JAZF1: variants seen among roughly 807,000 people sequenced by gnomAD.
JAZF1 encodes JAZF zinc finger 1.
In JAZF1, 8 loss-of-function variants were observed where a neutral mutation model predicts 26.4. The ratio of observed to expected loss-of-function variants is 0.30; its 90% CI spans 0.18 to 0.55. The LOEUF (loss-of-function observed/expected upper bound fraction) is 0.55, where lower values mean the gene tolerates loss of function less well. Ranked by LOEUF, JAZF1 falls within the 20% of genes least tolerant of loss-of-function variation. The pLI is 0.94. For missense variants in JAZF1, 199 were observed against 322.0 expected (o/e 0.62, Z 2.92); for synonymous variants, 126 against 122.3 (o/e 1.03, Z -0.20).
intron 1 of JAZF1, among the ~76,000 whole-genome samples, chr7:28,076,671 C>T: frequency 6.8e-6 from 1 of 146,166 alleles, no homozygotes; most frequent in Non-Finnish European, 1.5e-5. Context: ...CATAGTTTTT[C>T]TCCGGTTTGC....
chr7:28,143,829 T>C (rs4722763), intron 1 of JAZF1, among the ~76,000 whole-genome samples: 16,267 of 152,282 alleles, frequency 0.11, 1,405 homozygotes, highest in East Asian at 0.47. Context: ...CTCCTCCTTA[T>C]ATACCGTAAG....
intron 1 of JAZF1, among the ~76,000 whole-genome samples, chr7:28,021,595 C>G (rs1458237257): frequency 1.3e-5 from 2 of 152,174 alleles, no homozygotes; most frequent in Non-Finnish European, 2.9e-5. Flanking sequence ...CAGGTGAAGA[C>G]AGTGTGGACG....
At chr7:27,934,552 T>C (rs1338678573) in intron 2 of JAZF1, among the ~76,000 whole-genome samples, 1 of 152,188 alleles carries the variant, frequency 6.6e-6, no homozygotes, top group Non-Finnish European at 1.5e-5. Context: ...AAATGCAGTT[T>C]GACAGATGGT....
At chr7:28,046,891 T>C (rs769353808) in intron 1 of JAZF1, among the ~76,000 whole-genome samples, 3 of 152,194 alleles carry the variant, frequency 2.0e-5, no homozygotes, top group East Asian at 1.9e-4. Flanking sequence ...ATGTTACATA[T>C]GTTTCACATA....
chr7:28,027,853 C>G (rs887211021), intron 1 of JAZF1, among the ~76,000 whole-genome samples: 1 of 152,174 alleles, frequency 6.6e-6, no homozygotes, highest in Non-Finnish European at 1.5e-5. Context: ...AGCCCCGATG[C>G]CTGTTTCTTT....
rs556294373 is a variant in JAZF1 at position 27,968,927 on chromosome 7, A to G, written c.188+22982T>C. 4.5e-4 allele frequency among the ~76,000 whole-genome samples: 68 copies of G among 152,214 alleles called. 1 individual carries two copies. The highest frequency in any genetic ancestry group is 9.4e-4 in the Non-Finnish European group (64 of 68,042). On this transcript the variant is annotated intron_variant, in intron 2 of 4. Transcript: ENST00000283928. ...ATTTACCCCAATAATAAAAATGAAAAAAAATCAATCAAGTTTGTACGAATA... is the reference window on the plus strand; with the variant it reads ...ATTTACCCCAATAATAAAAATGAAAGAAAATCAATCAAGTTTGTACGAATA...
chr7:27,893,704 T>C (rs901045638), intron 3 of JAZF1, among the ~76,000 whole-genome samples: 2 of 152,220 alleles, frequency 1.3e-5, no homozygotes, highest in Admixed American at 1.3e-4. Flanking sequence ...GCGTATTGAT[T>C]TGATTAGTGA....
chr7:28,137,214 T>C (rs568541551), intron 1 of JAZF1, among the ~76,000 whole-genome samples: 5 of 152,258 alleles, frequency 3.3e-5, no homozygotes, highest in South Asian at 2.1e-4. Flanking sequence ...TCAGTAAGCA[T>C]CTGAGGGCAG....
At chr7:28,068,089 A>G (rs1248317540) in intron 1 of JAZF1, among the ~76,000 whole-genome samples, 1 of 151,772 alleles carries the variant, frequency 6.6e-6, no homozygotes, top group Non-Finnish European at 1.5e-5. Flanking sequence ...AATTTTTTGT[A>G]TATTTAGTAA....
chr7:27,971,194 G>A (rs889442620), intron 2 of JAZF1, among the ~76,000 whole-genome samples: 1 of 152,164 alleles, frequency 6.6e-6, no homozygotes, highest in South Asian at 2.1e-4. Context: ...TTTGCTGGAC[G>A]GCTTTGGGTG....
intron 1 of JAZF1, among the ~76,000 whole-genome samples, chr7:28,050,840 G>C (rs771535743): frequency 4.6e-5 from 7 of 152,060 alleles, no homozygotes; most frequent in Non-Finnish European, 7.4e-5. Flanking sequence ...GCATATTAAA[G>C]CCTACCACAA....
chr7:27,963,192 G>T (rs960669907), intron 2 of JAZF1, among the ~76,000 whole-genome samples: 15 of 152,170 alleles, frequency 9.9e-5, no homozygotes, highest in African/African-American at 3.6e-4. Context: ...TTACAATTTG[G>T]CATACAGCAT....
chr7:28,164,432 C>G (rs1783335188), intron 1 of JAZF1, among the ~76,000 whole-genome samples: 2 of 152,198 alleles, frequency 1.3e-5, no homozygotes, highest in Non-Finnish European at 2.9e-5. Flanking sequence ...TCCTGTCACT[C>G]AAAGCACACT....
At chr7:28,011,282 G>T (rs566706050) in intron 1 of JAZF1, among the ~76,000 whole-genome samples, 1 of 152,204 alleles carries the variant, frequency 6.6e-6, no homozygotes, top group Non-Finnish European at 1.5e-5. Flanking sequence ...ATAGTCTCTT[G>T]AAAGTTTACA....
At chr7:27,835,068 G>C (rs956759968) in intron 4 of JAZF1, among the ~76,000 whole-genome samples, 38 of 152,120 alleles carry the variant, frequency 2.5e-4, no homozygotes, top group African/African-American at 7.2e-4. Flanking sequence ...GTGGATGAAG[G>C]GCTACTAAAA....
intron 2 of JAZF1, among the ~76,000 whole-genome samples, chr7:27,966,599 C>T (rs1785279822): frequency 6.6e-6 from 1 of 152,114 alleles, no homozygotes; most frequent in African/African-American, 2.4e-5. Context: ...CTGCAGTTCC[C>T]CTTTATCTGA....
chr7:28,048,269 C>A (rs976921884), intron 1 of JAZF1, among the ~76,000 whole-genome samples: 2 of 152,120 alleles, frequency 1.3e-5, no homozygotes, highest in Admixed American at 1.3e-4. Flanking sequence ...AGTAAGCTTG[C>A]CAGGTGTTCC....
intron 1 of JAZF1, among the ~76,000 whole-genome samples, chr7:28,114,596 GT>G (rs11287110): frequency 0.41 from 58,323 of 143,772 alleles, 15,643 homozygotes; most frequent in East Asian, 0.96. Context: ...TTCTTTTTAG[GT>G]TTTTTTTTTT....
intron 2 of JAZF1, among the ~76,000 whole-genome samples, chr7:27,972,945 GTA>G (rs1554279106): frequency 3.2e-5 from 4 of 123,716 alleles, no homozygotes; most frequent in African/African-American, 1.1e-4. Context: ...ATATGTGTGT[GTA>G]TATATACACA....
Sources: allele counts gnomAD v4.1 joint callset (sites outside exome capture counted in the v4.1 genomes callset), GRCh38; gene constraint gnomAD v4.1.1; transcripts MANE v1.5; gene names NCBI Gene and HGNC (gene_info 2026-07-23, HGNC 2026-07-21).